Variants in PHACTR1 observed in about 807,000 individuals in gnomAD.
PHACTR1 encodes phosphatase and actin regulator 1.
PHACTR1 carries 16 observed loss-of-function variants against 69.2 expected under a neutral mutation model. The ratio of observed to expected loss-of-function variants is 0.23; its 90% CI spans 0.16 to 0.35. PHACTR1 has a LOEUF of 0.35. Ranked by LOEUF, PHACTR1 falls within the 10% of genes least tolerant of loss-of-function variation. The probability of loss-of-function intolerance (pLI) is 1.00; values close to 1 mark genes in which losing one functional copy is unlikely to be tolerated. For synonymous variants in PHACTR1, 312 were observed against 284.5 expected, an observed-to-expected ratio of 1.10 and a Z score of -0.97; for missense variants, 510 against 734.7, an observed-to-expected ratio of 0.69 and a Z score of 3.54.
intron 3 of PHACTR1, among the ~76,000 whole-genome samples, chr6:12,720,941 C>T (rs995069749): frequency 2.6e-5 from 4 of 152,190 alleles, no homozygotes; most frequent in Non-Finnish European, 4.4e-5. Context: ...AAAATGCAAA[C>T]AGTAATAGTT....
intron 4 of PHACTR1, among the ~76,000 whole-genome samples, chr6:12,900,058 T>A (rs561619332): frequency 6.6e-6 from 1 of 152,308 alleles, no homozygotes; most frequent in African/African-American, 2.4e-5. Flanking sequence ...TTAGCAAATA[T>A]TTAACAAATA....
Position 12,870,869 on chromosome 6 carries a change from G to A in PHACTR1, c.250+121079G>A, listed in dbSNP as rs574256069. Among the ~76,000 whole-genome samples the A allele has an allele frequency of 1.6e-4, 25 of 152,214 alleles. No individual in the cohort carries two copies. In the South Asian group the frequency reaches 4.4e-3, roughly 27 times the overall value. ...GTTTCACCAAAGCAGCTTTGTTTTT[G>A]TTTTTTATAAATTAACTCTACAAAA... On this transcript the variant is annotated intron_variant, in intron 4 of 14. Transcript: ENST00000332995.
intron 13 of PHACTR1, 104 bp from the exon 14 acceptor site, chr6:13,286,042 T>G: frequency 2.1e-6 from 2 of 935,118 alleles, no homozygotes; most frequent in Non-Finnish European, 3.1e-6. Context: ...TAAACTTGTT[T>G]GTCTTTGTTG....
Position 13,053,375 on chromosome 6 carries a change from G to A in PHACTR1, c.261G>A (p.Val87=). 1 of 1,603,286 alleles carries A rather than the reference G, an allele frequency of 6.2e-7. No homozygotes were observed. ...ISFNLGAAEE[V]ERLAAMRSDS... is the part of the protein sequence containing the mutation. ...CTTGGAAATAACAAGCTGAGGAAGT[G>A]GAGAGGCTGGCGGCGATGCGTTCTG... The change falls in exon 5 of 15, where the codon GTG becomes GTA. Residue 87 remains valine, a synonymous_variant. Transcript: ENST00000332995.
chr6:12,831,300 A>G (rs1777557227), intron 4 of PHACTR1, among the ~76,000 whole-genome samples: 1 of 152,226 alleles, frequency 6.6e-6, no homozygotes, highest in South Asian at 2.1e-4. Flanking sequence ...CTTTATAGAC[A>G]TTAGGTTTGT....
intron 4 of PHACTR1, among the ~76,000 whole-genome samples, chr6:12,921,340 A>G (rs1787629251): frequency 6.6e-6 from 1 of 152,162 alleles, no homozygotes; most frequent in Admixed American, 6.5e-5. Context: ...GTATCTACCA[A>G]TGCTGGGCAC....
chr6:13,146,879 G>A lies in PHACTR1; in HGVS notation c.416-13325G>A, dbSNP rs141019426. 2.2e-3 allele frequency among the ~76,000 whole-genome samples: 340 copies of A among 152,264 alleles called. 8 individuals are homozygous for A. Among genetic ancestry groups the A allele is most frequent in the Admixed American group, 0.015 (236 of 15,292 alleles). The stretch of plus-strand genomic sequence containing the variant: ...TGTTAAAGGCAGCAGAGAACAGGGT[G>A]GAAATGTGAATTGTGGATCTGAGCA... On this transcript the variant is annotated intron_variant, in intron 5 of 14. Transcript: ENST00000332995.
intron 4 of PHACTR1, among the ~76,000 whole-genome samples, chr6:12,878,605 A>G (rs1782776812): frequency 6.6e-6 from 1 of 152,248 alleles, no homozygotes; most frequent in Non-Finnish European, 1.5e-5. Flanking sequence ...AAAGCTCTCT[A>G]TTACCAAGAG....
chr6:13,086,868 C>T (rs1812403525), intron 5 of PHACTR1, among the ~76,000 whole-genome samples: 2 of 152,044 alleles, frequency 1.3e-5, no homozygotes, highest in Admixed American at 1.3e-4. Context: ...GTTTGTACCA[C>T]TTTGCATTCC....
intron 4 of PHACTR1, among the ~76,000 whole-genome samples, chr6:12,760,171 T>G (rs1387996809): frequency 6.6e-6 from 1 of 152,224 alleles, no homozygotes; most frequent in African/African-American, 2.4e-5. Context: ...TAAAAAATGA[T>G]TCGTTTCTGA....
At chr6:12,933,763 T>A in intron 4 of PHACTR1, 1 of 1,612,804 alleles carries the variant, frequency 6.2e-7, no homozygotes, top group Middle Eastern at 1.6e-4. Flanking sequence ...CTACATACAC[T>A]ACATCAGCCC....
intron 4 of PHACTR1, among the ~76,000 whole-genome samples, chr6:12,850,525 G>A (rs1031359181): frequency 6.6e-6 from 1 of 152,202 alleles, no homozygotes; most frequent in Non-Finnish European, 1.5e-5. Flanking sequence ...TTCCCAGTTG[G>A]GTCTCCAGTA....
chr6:12,777,166 A>G (rs1208184934), intron 4 of PHACTR1, among the ~76,000 whole-genome samples: 1 of 151,946 alleles, frequency 6.6e-6, no homozygotes, highest in African/African-American at 2.4e-5. Context: ...CAGCACTTGC[A>G]TACTTCTGAA....
intron 4 of PHACTR1, among the ~76,000 whole-genome samples, chr6:12,780,149 T>C (rs984779230): frequency 1.3e-5 from 2 of 152,158 alleles, no homozygotes; most frequent in African/African-American, 4.8e-5. Flanking sequence ...AGTATTATTG[T>C]TACTGTTGTT....
At position 13,179,405 on chromosome 6, in the gene PHACTR1, C is replaced by CGTGT. The variant is rs4053019; in HGVS notation, c.497-3077_497-3074dup. On this transcript the variant is annotated intron_variant, in intron 6 of 14. Coordinates refer to ENST00000332995, the MANE Select transcript of PHACTR1 (RefSeq NM_030948.6). This position sits in a 1 kb window ranked among gnomAD's most constrained non-coding sequence, Gnocchi z 4.2. ...TATACAGCCCATTACATTAATGTTTCGTGTGTGTGTGTGTGTGTGTGTGTG... is the reference window on the plus strand; with the variant it reads ...TATACAGCCCATTACATTAATGTTTCGTGTGTGTGTGTGTGTGTGTGTGTGTGTG... Among the ~76,000 whole-genome samples the CGTGT allele has an allele frequency of 0.082, 11,586 of 141,948 alleles. 1,049 individuals are homozygous for CGTGT. Among genetic ancestry groups the CGTGT allele is most frequent in the African/African-American group, 0.22 (8,420 of 37,578 alleles). 93.1% of individuals were successfully genotyped at this position (141,948 alleles called of 152,430 possible).
chr6:12,739,831 T>C (rs1302200099), intron 3 of PHACTR1, among the ~76,000 whole-genome samples: 1 of 152,196 alleles, frequency 6.6e-6, no homozygotes, highest in African/African-American at 2.4e-5. Context: ...CATGGGCCAC[T>C]TTACTGGGCC....
At chr6:12,735,700 A>G (rs1054557902) in intron 3 of PHACTR1, among the ~76,000 whole-genome samples, 1 of 152,224 alleles carries the variant, frequency 6.6e-6, no homozygotes, top group Non-Finnish European at 1.5e-5. Flanking sequence ...ACTTTAAAGA[A>G]GAGTTAGAGC....
In PHACTR1 at chr6:13,014,501, C is replaced by G. The variant is rs568142259; in HGVS notation, c.251-38864C>G. On this transcript the variant is annotated intron_variant, in intron 4 of 14. Coordinates refer to ENST00000332995, the MANE Select transcript of PHACTR1 (RefSeq NM_030948.6). ...TTCCATGGGCTTCTTAACTGTTGCCCCGTCCTCCTATTATGATGGGATACA... is the reference window on the plus strand; with the variant it reads ...TTCCATGGGCTTCTTAACTGTTGCCGCGTCCTCCTATTATGATGGGATACA... 2.6e-5 allele frequency among the ~76,000 whole-genome samples: 4 copies of G among 152,308 alleles called. No homozygotes were observed. In the East Asian group the frequency reaches 5.8e-4, roughly 22 times the overall value.
intron 7 of PHACTR1, among the ~76,000 whole-genome samples, chr6:13,193,487 A>C (rs1196096594): frequency 1.3e-5 from 2 of 149,882 alleles, no homozygotes; most frequent in South Asian, 4.2e-4. Context: ...CCTGGGCTCA[A>C]ATGATCATCC....
Sources: gnomAD v4.1 joint callset for allele counts (sites outside exome capture counted in the v4.1 genomes callset) on GRCh38, gnomAD v4.1.1 for gene constraint, Gnocchi (gnomAD v3.1) non-coding constraint, MANE v1.5 for transcripts, NCBI Gene and HGNC (gene_info 2026-07-23, HGNC 2026-07-21) for gene names.